The following DCBLD1 variants were observed in gnomAD, a reference collection of about 807,000 sequenced individuals.
DCBLD1 encodes the protein discoidin, CUB and LCCL domain-containing protein 1.
DCBLD1 carries 57 observed loss-of-function variants against 71.5 expected under a neutral mutation model. The ratio of observed to expected loss-of-function variants is 0.80; its 90% CI spans 0.64 to 0.99. The LOEUF is 0.99. Among genes scored for constraint, DCBLD1 ranks in the 50% least tolerant of loss-of-function variants. The probability of loss-of-function intolerance (pLI) is 0.00; values close to 1 mark genes in which losing one functional copy is unlikely to be tolerated. For missense variants in DCBLD1, 891 were observed against 923.5 expected (o/e 0.96, Z 0.46); for synonymous variants, 380 against 363.8 (o/e 1.04, Z -0.51).
At chr6:117,565,419 T>C (rs1052847343) in intron 14 of DCBLD1, among the ~76,000 whole-genome samples, 15 of 152,332 alleles carry the variant, frequency 9.8e-5, no homozygotes, top group African/African-American at 3.4e-4. Flanking sequence ...ATTTGAAACC[T>C]TATCAGTGAA....
At chr6:117,560,913 T>C (rs773019322) in intron 14 of DCBLD1, 4 of 212,078 alleles carry the variant, frequency 1.9e-5, no homozygotes, top group Middle Eastern at 1.5e-3. Context: ...CAGGGACATA[T>C]GAATTTCTTT....
chr6:117,505,857 C>T (rs1039358186), intron 2 of DCBLD1, among the ~76,000 whole-genome samples: 8 of 152,148 alleles, frequency 5.3e-5, no homozygotes, highest in African/African-American at 1.4e-4. Context: ...GTATCTCAAG[C>T]TAGCTTGCAA....
At chr6:117,524,640 A>G (rs2114501697) in intron 4 of DCBLD1, among the ~76,000 whole-genome samples, 1 of 152,322 alleles carries the variant, frequency 6.6e-6, no homozygotes, top group Non-Finnish European at 1.5e-5. Context: ...GTGAGTGCAA[A>G]TTGAGGGGTG....
At chr6:117,520,554 C>T (rs867089474) in intron 3 of DCBLD1, among the ~76,000 whole-genome samples, 8 of 152,186 alleles carry the variant, frequency 5.3e-5, no homozygotes, top group Non-Finnish European at 7.3e-5. Flanking sequence ...TACACCAGCA[C>T]GGGAGGCATG....
chr6:117,537,108 C>A (rs911697910), intron 6 of DCBLD1, 77 bp from the exon 7 acceptor site: 67 of 1,458,756 alleles, frequency 4.6e-5, no homozygotes, highest in Non-Finnish European at 5.2e-5. Context: ...GTTCTGTGAG[C>A]CCTGGGATGT....
Position 117,548,438 on chromosome 6 carries a change from G to T in DCBLD1, c.2147G>T (p.Ter716LeuextTer11). The change falls in exon 15 of 15, where the codon TGA (stop) becomes TTA (leucine). Residue 716 changes from the stop codon to leucine (L), a stop_lost. Transcript: ENST00000338728. ...CAGACGGCCATGACTGCCCTTTTGTGAACACAATGTGAAAGAAGCCTGCTG... is the reference window on the plus strand; with the variant it reads ...CAGACGGCCATGACTGCCCTTTTGTTAACACAATGTGAAAGAAGCCTGCTG... ...LNQTAMTALL[*>L] 6.4e-7 allele frequency: 1 copy of T among 1,550,604 alleles called. No homozygotes were observed. The highest frequency in any genetic ancestry group is 8.7e-7 in the Non-Finnish European group (1 of 1,147,012).
chr6:117,521,649 G>C (rs1778391775), intron 4 of DCBLD1, 73 bp downstream of exon 4: 2 of 1,292,100 alleles, frequency 1.5e-6, no homozygotes, highest in African/African-American at 1.6e-5. Context: ...CGTTAAACCA[G>C]ATACGTTTGT....
chr6:117,486,301 T>C (rs1163876634), intron 1 of DCBLD1, among the ~76,000 whole-genome samples: 1 of 152,252 alleles, frequency 6.6e-6, no homozygotes, highest in Non-Finnish European at 1.5e-5. Context: ...CTGGGAAATA[T>C]ACCCCATAGT....
chr6:117,486,125 A>G (rs1777077616), intron 1 of DCBLD1, among the ~76,000 whole-genome samples: 1 of 152,252 alleles, frequency 6.6e-6, no homozygotes, highest in Non-Finnish European at 1.5e-5. Context: ...TGTGGAACTG[A>G]CACAGACTTG....
chr6:117,513,826 G>T (rs552707105), intron 2 of DCBLD1, among the ~76,000 whole-genome samples: 1 of 152,174 alleles, frequency 6.6e-6, no homozygotes, highest in African/African-American at 2.4e-5. Context: ...AAGTCACCGC[G>T]CTCTCATGTG....
intron 13 of DCBLD1, among the ~76,000 whole-genome samples, chr6:117,545,276 C>T (rs929085933): frequency 5.9e-5 from 9 of 152,002 alleles, no homozygotes; most frequent in South Asian, 4.1e-4. Flanking sequence ...AAAGGCACAG[C>T]GGAAAGCATG....
At chr6:117,484,344 C>T (rs1777011424) in intron 1 of DCBLD1, among the ~76,000 whole-genome samples, 1 of 152,060 alleles carries the variant, frequency 6.6e-6, no homozygotes, top group Non-Finnish European at 1.5e-5. Flanking sequence ...TTTTAAAAAC[C>T]TATTATCATT....
chr6:117,546,061 T>TTTGTTTC (rs1779255609), intron 14 of DCBLD1, among the ~76,000 whole-genome samples: 1 of 152,218 alleles, frequency 6.6e-6, no homozygotes, highest in African/African-American at 2.4e-5. Context: ...GGAAATGCTT[T>TTTGTTTC]TTGTTTCTTT....
chr6:117,544,503 T>A lies in DCBLD1; in HGVS notation c.1446-25T>A, dbSNP rs768408665. On this transcript the variant is annotated intron_variant, in intron 12 of 14. Coordinates refer to ENST00000338728, the MANE Select transcript of DCBLD1 (RefSeq NM_001366458.2). Reference sequence around the variant, plus strand: ...GGCAGATACATTGGCTTATAAATATTCAGTAGGACTTTTTGTCTTGATAGG... The same window carrying A: ...GGCAGATACATTGGCTTATAAATATACAGTAGGACTTTTTGTCTTGATAGG... The A allele has an allele frequency of 3.7e-6, 6 of 1,612,846 alleles. No homozygotes were observed. In the Admixed American group the frequency reaches 1.0e-4, roughly 27 times the overall value.
At chr6:117,526,147 T>C (rs529657155) in intron 5 of DCBLD1, among the ~76,000 whole-genome samples, 29 of 152,380 alleles carry the variant, frequency 1.9e-4, no homozygotes, top group African/African-American at 7.0e-4. Context: ...AACCTTTATC[T>C]ACTTGTTCTA....
In DCBLD1 at chr6:117,538,833, CAG is replaced by C. The variant is rs1562458437; in HGVS notation, c.975_976del (p.Gly326AsnfsTer2). ...GATTTGGGGGAGAAAAAGAAAATAACAGGTGCAGAAAATAACACAAGTGCCAA... is the reference window on the plus strand; with the variant it reads ...GATTTGGGGGAGAAAAAGAAAATAACGTGCAGAAAATAACACAAGTGCCAA... On this transcript the variant is annotated frameshift_variant and splice_region_variant, in exon 8 of 15. Transcript: ENST00000338728. LOFTEE classifies it high-confidence loss of function. 6.2e-7 allele frequency: 1 copy of C among 1,610,268 alleles called. No individual in the cohort carries two copies.
chr6:117,503,334 G>A (rs1417581968), intron 1 of DCBLD1, among the ~76,000 whole-genome samples: 1 of 152,176 alleles, frequency 6.6e-6, no homozygotes, highest in East Asian at 1.9e-4. Context: ...TCTAACAGGA[G>A]CATTTTCTGT....
downstream of DCBLD1, chr6:117,549,916 G>T: frequency 1.1e-6 from 1 of 936,578 alleles, no homozygotes; most frequent in Non-Finnish European, 1.3e-6. Context: ...TGCCAGATTA[G>T]GCCAGACCCC....
chr6:117,523,331 G>A (rs567083588), intron 4 of DCBLD1, among the ~76,000 whole-genome samples: 1 of 152,274 alleles, frequency 6.6e-6, no homozygotes, highest in African/African-American at 2.4e-5. Flanking sequence ...AGAAAGTTTT[G>A]AAAGCCTTTT....
Sources: allele counts gnomAD v4.1 joint callset (sites outside exome capture counted in the v4.1 genomes callset), GRCh38; gene constraint gnomAD v4.1.1; transcripts MANE v1.5; gene names NCBI Gene and HGNC (gene_info 2026-07-23, HGNC 2026-07-21).